The following ITGB3 variants were observed in gnomAD, a reference collection of about 807,000 sequenced individuals.
The protein encoded by ITGB3 is integrin beta-3.
Under a neutral mutation model 85.8 loss-of-function variants are expected in ITGB3, and 48 were observed. The ratio of observed to expected loss-of-function variants is 0.56; its 90% CI spans 0.44 to 0.71. ITGB3 has a LOEUF of 0.71. Among genes scored for constraint, ITGB3 ranks in the 30% least tolerant of loss-of-function variants. The probability of loss-of-function intolerance (pLI) is 0.00; values close to 1 mark genes in which losing one functional copy is unlikely to be tolerated. For missense variants in ITGB3, 861 were observed against 1,019.1 expected (o/e 0.84, Z 2.11); for synonymous variants, 363 against 395.6 (o/e 0.92, Z 0.98).
At chr17:47,288,016 A>C (rs1366484019) in intron 6 of ITGB3, among the ~76,000 whole-genome samples, 3 of 126,614 alleles carry the variant, frequency 2.4e-5, no homozygotes, top group Non-Finnish European at 5.0e-5. Flanking sequence ...TCACCACCTC[A>C]GTCTCCTGAA....
At chr17:47,271,768 CAG>C (rs2065044796) in intron 1 of ITGB3, among the ~76,000 whole-genome samples, 1 of 152,156 alleles carries the variant, frequency 6.6e-6, no homozygotes, top group Non-Finnish European at 1.5e-5. Context: ...TATTTTGAGA[CAG>C]AGTCTTGCTC....
rs574986550 is a variant in ITGB3, at chr17:47,288,485, G to T, written c.940-1196G>T. On this transcript the variant is annotated intron_variant, in intron 6 of 14. Transcript: ENST00000559488. ...TGCTGTAATGCTCTAGGTATCTGGG[G>T]CAGGTGTGAACTCTTCGTCTCCTAA... Among the ~76,000 whole-genome samples the T allele has an allele frequency of 6.8e-4, 104 of 152,262 alleles. 1 individual carries two copies. In the South Asian group the frequency reaches 0.021, roughly 31 times the overall value.
intron 12 of ITGB3, among the ~76,000 whole-genome samples, chr17:47,300,788 C>T (rs1182753660): frequency 6.6e-6 from 1 of 152,162 alleles, no homozygotes; most frequent in African/African-American, 2.4e-5. Flanking sequence ...CAGCCATCCA[C>T]CACTTCTGCT....
rs1234076552 is a variant in ITGB3, at chr17:47,299,554, C to T, written c.1913+24C>T. 2 of 1,604,688 alleles carry T rather than the reference C, an allele frequency of 1.2e-6. No homozygotes were observed. The highest frequency in any genetic ancestry group is 3.3e-5 in the Admixed American group (2 of 59,904). ...AAGTGAGTGTGGAGTCTGGAGAGAGCCGGGAGGCTGGGAGGTAGGAGAGGA... is the reference window on the plus strand; with the variant it reads ...AAGTGAGTGTGGAGTCTGGAGAGAGTCGGGAGGCTGGGAGGTAGGAGAGGA... On this transcript the variant is annotated intron_variant, in intron 11 of 14. Transcript: ENST00000559488. The surrounding 1 kb of genome is among the most constrained non-coding windows in gnomAD (Gnocchi z 5.1).
At chr17:47,302,428 G>C (rs1213051218) in intron 12 of ITGB3, among the ~76,000 whole-genome samples, 1 of 152,092 alleles carries the variant, frequency 6.6e-6, no homozygotes, top group African/African-American at 2.4e-5. Context: ...TCACACAACG[G>C]GTAGGTAGTG....
chr17:47,284,352 A>T (rs958495233), intron 3 of ITGB3, 91 bp from the exon 4 acceptor site: 27 of 1,511,250 alleles, frequency 1.8e-5, no homozygotes, highest in Non-Finnish European at 2.5e-5. Context: ...TGCTTTGATC[A>T]TGCAATTTCT....
rs1011842132 is a variant in ITGB3, at chr17:47,290,379, C to G, written c.1125+105C>G. On this transcript the variant is annotated intron_variant, in intron 8 of 14. Coordinates refer to ENST00000559488, the MANE Select transcript of ITGB3 (RefSeq NM_000212.3). ...CCCAGTTGCCAGTCTACCACACGGT[C>G]TTACTGCCTTCTCCGTGTGCTCCCA... 3 of 942,110 alleles carry G rather than the reference C, an allele frequency of 3.2e-6. No individual in the cohort carries two copies. In the African/African-American group the frequency reaches 4.8e-5, roughly 15 times the overall value. The allele number at this position is 942,110 out of a possible 1,614,324, so 58.4% of individuals were successfully genotyped here. A position where few individuals can be genotyped will look rare whatever the true frequency, so the allele number is the denominator to read the frequency against.
At chr17:47,297,458 T>C (rs113619120) in intron 10 of ITGB3, among the ~76,000 whole-genome samples, 11,895 of 152,124 alleles carry the variant, frequency 0.078, 566 homozygotes, top group Middle Eastern at 0.17. Context: ...GAGTTCAAGG[T>C]CAGGCTGGCC....
rs923229776 is a variant in ITGB3 at position 47,283,207 on chromosome 17, A to T, written c.166-147A>T. On this transcript the variant is annotated intron_variant, in intron 2 of 14. Coordinates refer to ENST00000559488, the MANE Select transcript of ITGB3 (RefSeq NM_000212.3). The stretch of plus-strand genomic sequence containing the variant: ...CCTTTCTGTACAACGGTCCTAAGGG[A>T]TTATCCCAGGAAAGACCACAACAAT... 3.6e-6 allele frequency: 3 copies of T among 833,580 alleles called. No homozygotes were observed. The Admixed American group carries it at 6.0e-5, about 17-fold the overall frequency. 51.6% of individuals were successfully genotyped at this position (833,580 alleles called of 1,614,324 possible).
At position 47,307,615 on chromosome 17, in the gene ITGB3, G is replaced by C; in HGVS notation, c.2279G>C (p.Arg760Pro). ...RKEFAKFEEE[R>P]ARAKWDTANN... ...GAATTCGCTAAATTTGAGGAAGAAC[G>C]CGCCAGAGCAAAATGGGACACAGTA... Residue 760 changes from arginine (R) to proline (P), a missense_variant, in exon 14 of 15, where the codon CGC becomes CCC. Physicochemically the swap from Arg to Pro is moderately radical, Grantham distance 103. Transcript: ENST00000559488. 6.2e-7 allele frequency: 1 copy of C among 1,614,210 alleles called. No homozygotes were observed. Among genetic ancestry groups the C allele is most frequent in the Non-Finnish European group, 8.5e-7 (1 of 1,180,036 alleles).
At chr17:47,287,911 C>CTTTTTTTTTTT (rs60463106) in intron 6 of ITGB3, among the ~76,000 whole-genome samples, 4 of 55,400 alleles carry the variant, frequency 7.2e-5, no homozygotes, top group African/African-American at 8.1e-5. Context: ...ACCACCCCTG[C>CTTTTTTTTTTT]TTTTTTTTTT....
At position 47,307,567 on chromosome 17, in the gene ITGB3, T is replaced by A. The variant is rs398122374; in HGVS notation, c.2231T>A (p.Leu744His). ...GCCGCCCTGCTCATCTGGAAACTCC[T>A]CATCACCATCCACGACCGAAAAGAA... ...GLAALLIWKL[L>H]ITIHDRKEFA... Residue 744 changes from leucine to histidine, a missense_variant, in exon 14 of 15, where the codon CTC becomes CAC. Coordinates refer to ENST00000559488, the MANE Select transcript of ITGB3 (RefSeq NM_000212.3). 1.2e-6 allele frequency: 2 copies of A among 1,614,178 alleles called. No individual in the cohort carries two copies. Among genetic ancestry groups the A allele is most frequent in the Non-Finnish European group, 1.7e-6 (2 of 1,180,044 alleles).
chr17:47,293,258 C>T (rs2065134152), intron 10 of ITGB3, among the ~76,000 whole-genome samples: 1 of 152,176 alleles, frequency 6.6e-6, no homozygotes, highest in Non-Finnish European at 1.5e-5. Flanking sequence ...AGTTGTCCTT[C>T]TCATTGCAAA....
rs145572861 is a variant in ITGB3 at position 47,292,448 on chromosome 17, C to T, written c.1570C>T (p.Arg524Trp). 166 of 1,608,676 alleles carry T rather than the reference C, an allele frequency of 1.0e-4. 1 individual carries two copies. The African/African-American group carries it at 1.1e-3, about 11-fold the overall frequency. The change falls in exon 10 of 15, where the codon CGG becomes TGG. Residue 524 changes from arginine (R) to tryptophan (W), a missense_variant. Physicochemically the swap from Arg to Trp is moderately radical, Grantham distance 101. Coordinates refer to ENST00000559488, the MANE Select transcript of ITGB3 (RefSeq NM_000212.3). ...GGAGGGTCAGCCCGTCTGCAGCCAG[C>T]GGGGCGAGTGCCTCTGTGGTCAATG... ...PREGQPVCSQ[R>W]GECLCGQCVC...
chr17:47,292,539 G>A lies in ITGB3; in HGVS notation c.1661G>A (p.Cys554Tyr). Residue 554 changes from cysteine to tyrosine, a missense_variant, in exon 10 of 15, where the codon TGT becomes TAT. By Grantham distance (194) the Cys-to-Tyr change is radical (BLOSUM62 -2). Coordinates refer to ENST00000559488, the MANE Select transcript of ITGB3 (RefSeq NM_000212.3). ...TACTGCGAGTGTGACGACTTCTCCT[G>A]TGTCCGCTACAAGGGGGAGATGTGC... ...GKYCECDDFSCVRYKGEMCSG... is the reference protein window; with the variant it reads ...GKYCECDDFSYVRYKGEMCSG... 1 of 1,602,208 alleles carries A rather than the reference G, an allele frequency of 6.2e-7. No homozygotes were observed.
chr17:47,274,304 T>C lies in ITGB3; in HGVS notation c.80-115T>C, dbSNP rs1209253263. On this transcript the variant is annotated intron_variant, in intron 1 of 14. Transcript: ENST00000559488. ...CGTCTGTGGTATGGTTAGGGTGTGT[T>C]TGTGTGCACCTGAGAGCTGTAAACC... The C allele has an allele frequency of 3.6e-6, 3 of 844,410 alleles. No individual in the cohort carries two copies. In the East Asian group the frequency reaches 7.5e-5, roughly 21 times the overall value. The allele number at this position is 844,410 out of a possible 1,614,324, so 52.3% of individuals were successfully genotyped here. A position where few individuals can be genotyped will look rare whatever the true frequency, so the allele number is the denominator to read the frequency against.
intron 13 of ITGB3, among the ~76,000 whole-genome samples, chr17:47,304,357 C>G (rs947512142): frequency 2.6e-5 from 4 of 152,182 alleles, no homozygotes; most frequent in Non-Finnish European, 4.4e-5. Flanking sequence ...TGCAGATGCT[C>G]TCTTTGAAGG....
chr17:47,287,215 C>T lies in ITGB3; in HGVS notation c.923C>T (p.Ser308Phe), dbSNP rs772785068. ...QCHVGSDNHY[S>F]ASTTMDYPSL... ...CATGTTGGTAGTGACAATCATTACT[C>T]TGCCTCCACTACCATGGTGAGATCT... The change falls in exon 6 of 15, where the codon TCT (serine) becomes TTT (phenylalanine). Residue 308 changes from serine to phenylalanine, a missense_variant. Transcript: ENST00000559488. 1 of 1,613,820 alleles carries T rather than the reference C, an allele frequency of 6.2e-7. No individual in the cohort carries two copies. Among genetic ancestry groups the T allele is most frequent in the Non-Finnish European group, 8.5e-7 (1 of 1,179,874 alleles).
rs60463106 is a variant in ITGB3 at position 47,287,911 on chromosome 17, CTTTTTTTTT to C, written c.939+704_939+712del. Among the ~76,000 whole-genome samples, 63 of 55,398 alleles carry C rather than the reference CTTTTTTTTT, an allele frequency of 1.1e-3. 1 individual carries two copies. The East Asian group carries it at 0.036, about 32-fold the overall frequency. 36.3% of individuals were successfully genotyped at this position (55,398 alleles called of 152,430 possible). On this transcript the variant is annotated intron_variant, in intron 6 of 14. Coordinates refer to ENST00000559488, the MANE Select transcript of ITGB3 (RefSeq NM_000212.3). Reference sequence around the variant, plus strand: ...AGTGACAGAGCAAGAACCACCCCTGCTTTTTTTTTTTTTTTTTTTTTTTTTTTTTTTTGA... The same window carrying C: ...AGTGACAGAGCAAGAACCACCCCTGCTTTTTTTTTTTTTTTTTTTTTTTGA...
Sources: gnomAD v4.1 joint callset for allele counts (sites outside exome capture counted in the v4.1 genomes callset) on GRCh38, gnomAD v4.1.1 for gene constraint, Gnocchi (gnomAD v3.1) non-coding constraint, MANE v1.5 for transcripts, NCBI Gene and HGNC (gene_info 2026-07-23, HGNC 2026-07-21) for gene names.